ARPP21: variants seen among roughly 807,000 people sequenced by gnomAD.
The protein encoded by ARPP21 is cAMP-regulated phosphoprotein 21.
A neutral mutation model predicts 113.2 loss-of-function variants in ARPP21; 69 were observed. That is an observed-to-expected ratio of 0.61 (90% CI 0.50 to 0.74). ARPP21 has a LOEUF of 0.74. Among genes scored for constraint, ARPP21 ranks in the 30% least tolerant of loss-of-function variants. The probability of loss-of-function intolerance (pLI) is 0.00; values close to 1 mark genes in which losing one functional copy is unlikely to be tolerated. For missense variants in ARPP21, 1,070 were observed against 1,037.4 expected (o/e 1.03, Z -0.43); for synonymous variants, 368 against 375.5 (o/e 0.98, Z 0.23).
intron 1 of ARPP21, among the ~76,000 whole-genome samples, chr3:35,660,716 G>A (rs1707355933): frequency 1.3e-5 from 2 of 152,168 alleles, no homozygotes. Flanking sequence ...TCAGTAAGGA[G>A]AATGACTAAC....
At chr3:35,662,984 G>C (rs912475993) in intron 1 of ARPP21, among the ~76,000 whole-genome samples, 1 of 152,092 alleles carries the variant, frequency 6.6e-6, no homozygotes, top group African/African-American at 2.4e-5. Context: ...CAGCAAGATA[G>C]AAGGAATAGA....
At chr3:35,673,665 A>G (rs2076861185) in intron 1 of ARPP21, among the ~76,000 whole-genome samples, 1 of 152,020 alleles carries the variant, frequency 6.6e-6, no homozygotes, top group Non-Finnish European at 1.5e-5. Flanking sequence ...CAAAATAACA[A>G]CTTAGCAATT....
intron 11 of ARPP21, among the ~76,000 whole-genome samples, chr3:35,713,815 T>C (rs1341205018): frequency 6.6e-6 from 1 of 152,212 alleles, no homozygotes; most frequent in Non-Finnish European, 1.5e-5. Context: ...AATTAATTCC[T>C]TCAGACAAAT....
chr3:35,692,443 C>T (rs915336586), intron 9 of ARPP21, among the ~76,000 whole-genome samples: 2 of 151,534 alleles, frequency 1.3e-5, no homozygotes, highest in Non-Finnish European at 3.0e-5. Flanking sequence ...CAGGGACATG[C>T]TGATTGCAAA....
At chr3:35,779,028 TAA>T (rs1559938584) in intron 19 of ARPP21, among the ~76,000 whole-genome samples, 1 of 152,230 alleles carries the variant, frequency 6.6e-6, no homozygotes, top group South Asian at 2.1e-4. Context: ...CTGATAGTTT[TAA>T]AAGAGATGGT....
chr3:35,762,122 TCTCTCACA>T (rs1208438168), intron 19 of ARPP21, among the ~76,000 whole-genome samples: 11 of 144,388 alleles, frequency 7.6e-5, no homozygotes, highest in African/African-American at 1.1e-4. Flanking sequence ...TCTCTCTCTC[TCTCTCACA>T]CACACACACA....
rs370635453 is a variant in ARPP21, at chr3:35,690,381, T to C, written c.545+241T>C. ...ATGGCTATAAACAGTGGGCCACTGA[T>C]TAGCATAGAGTAGCTGTAACAAGAA... On this transcript the variant is annotated intron_variant, in intron 8 of 20. Transcript: ENST00000684406. 1.2e-4 allele frequency among the ~76,000 whole-genome samples: 18 copies of C among 151,610 alleles called. No individual in the cohort carries two copies. In the South Asian group the frequency reaches 1.5e-3, roughly 12 times the overall value.
At chr3:35,643,849 T>C (rs1345868864) in intron 1 of ARPP21, 1 of 152,056 alleles carries the variant, frequency 6.6e-6, no homozygotes, top group Non-Finnish European at 1.5e-5. Flanking sequence ...TTCTAACTGG[T>C]ATCACATGGT....
At chr3:35,733,566 G>A (rs535464982) in intron 15 of ARPP21, among the ~76,000 whole-genome samples, 6 of 152,318 alleles carry the variant, frequency 3.9e-5, no homozygotes, top group Admixed American at 2.0e-4. Flanking sequence ...GTCTTCGGCA[G>A]CTGTCATTCA....
chr3:35,781,219 T>C (rs2096520257), intron 19 of ARPP21, among the ~76,000 whole-genome samples: 1 of 152,184 alleles, frequency 6.6e-6, no homozygotes, highest in South Asian at 2.1e-4. Flanking sequence ...ATGGCTTCAT[T>C]TGGATGCTTA....
chr3:35,735,375 A>G (rs781255643), intron 15 of ARPP21, among the ~76,000 whole-genome samples: 13 of 152,122 alleles, frequency 8.5e-5, no homozygotes, highest in Non-Finnish European at 1.6e-4. Context: ...GACCTCCCAA[A>G]GTGCTAGGAT....
intron 19 of ARPP21, among the ~76,000 whole-genome samples, chr3:35,770,434 G>A (rs1343581128): frequency 6.6e-6 from 1 of 152,138 alleles, no homozygotes; most frequent in Non-Finnish European, 1.5e-5. Flanking sequence ...TTAGAAATGT[G>A]GCCTTTCATC....
intron 9 of ARPP21, among the ~76,000 whole-genome samples, chr3:35,698,926 G>C (rs907754991): frequency 2.6e-5 from 4 of 151,666 alleles, no homozygotes; most frequent in African/African-American, 4.8e-5. Context: ...GGCATACTTA[G>C]AAGTGACACA....
At chr3:35,775,988 A>G (rs1406362254) in intron 19 of ARPP21, among the ~76,000 whole-genome samples, 1 of 152,192 alleles carries the variant, frequency 6.6e-6, no homozygotes, top group Non-Finnish European at 1.5e-5. Context: ...CTATTTTGGT[A>G]CTTTAACATG....
chr3:35,678,380 T>C (rs2078040248), intron 1 of ARPP21, among the ~76,000 whole-genome samples: 1 of 151,976 alleles, frequency 6.6e-6, no homozygotes, highest in Non-Finnish European at 1.5e-5. Flanking sequence ...TATTAGATAA[T>C]GGGCTTCTTA....
At chr3:35,779,788 A>G (rs1279917508) in intron 19 of ARPP21, among the ~76,000 whole-genome samples, 1 of 152,212 alleles carries the variant, frequency 6.6e-6, no homozygotes, top group Non-Finnish European at 1.5e-5. Flanking sequence ...TGCCTTGCCA[A>G]GTTTGAGAAT....
chr3:35,678,637 A>G (rs1031907353), intron 1 of ARPP21, among the ~76,000 whole-genome samples: 1 of 151,924 alleles, frequency 6.6e-6, no homozygotes, highest in Non-Finnish European at 1.5e-5. Context: ...TGACTGTACT[A>G]CTGATTGCAT....
chr3:35,689,923 AATAAT>A, intron 7 of ARPP21, 153 bp from the exon 8 acceptor site: 1 of 536,684 alleles, frequency 1.9e-6, no homozygotes, highest in Non-Finnish European at 3.3e-6. Context: ...AATGAAATGA[AATAAT>A]ATGTAAATGG....
At chr3:35,766,663 G>C (rs927168452) in intron 19 of ARPP21, among the ~76,000 whole-genome samples, 1 of 152,096 alleles carries the variant, frequency 6.6e-6, no homozygotes, top group South Asian at 2.1e-4. Flanking sequence ...TATTTGAATT[G>C]CTTCAATAAA....
Sources: allele counts gnomAD v4.1 joint callset (sites outside exome capture counted in the v4.1 genomes callset), GRCh38; gene constraint gnomAD v4.1.1; transcripts MANE v1.5; gene names NCBI Gene and HGNC (gene_info 2026-07-23, HGNC 2026-07-21).